The following FBLN2 variants were observed in gnomAD, a reference collection of about 807,000 sequenced individuals.
The protein encoded by FBLN2 is fibulin-2.
A neutral mutation model predicts 123.7 loss-of-function variants in FBLN2; 81 were observed. The ratio of observed to expected loss-of-function variants is 0.65; its 90% CI spans 0.55 to 0.79. FBLN2 has a LOEUF of 0.79. FBLN2 is among the 30% of genes least tolerant of loss of function. The pLI is 0.00. For synonymous variants in FBLN2, 699 were observed against 701.4 expected (o/e 1.00, Z 0.05); for missense variants, 1,603 against 1,681.3 (o/e 0.95, Z 0.81).
chr3:13,582,590 G>A (rs1396745312), intron 2 of FBLN2, among the ~76,000 whole-genome samples: 1 of 152,192 alleles, frequency 6.6e-6, no homozygotes, highest in African/African-American at 2.4e-5. Context: ...CAGTGAGATT[G>A]AGCCTGCTTT....
At chr3:13,588,828 A>G (rs184032583) in intron 2 of FBLN2, among the ~76,000 whole-genome samples, 47 of 152,362 alleles carry the variant, frequency 3.1e-4, no homozygotes, top group Middle Eastern at 3.4e-3. Flanking sequence ...CAAAATTGCT[A>G]TGTAGTTAAA....
At chr3:13,629,107 G>A in intron 12 of FBLN2, 57 bp from the exon 13 acceptor site, 14 of 1,612,842 alleles carry the variant, frequency 8.7e-6, no homozygotes, top group East Asian at 2.2e-5. Flanking sequence ...CCCCACCCCT[G>A]GGAGGTGTGT....
intron 1 of FBLN2, chr3:13,568,807 C>T (rs1703827977): frequency 2.0e-6 from 2 of 985,658 alleles, no homozygotes; most frequent in Non-Finnish European, 2.4e-6. Flanking sequence ...CAGATTTGCT[C>T]TTGGGTTTAT....
intron 1 of FBLN2, among the ~76,000 whole-genome samples, chr3:13,566,876 A>G: frequency 6.6e-6 from 1 of 152,222 alleles, no homozygotes; most frequent in Middle Eastern, 3.2e-3. Context: ...TATGGGCCAG[A>G]TAATGCTGGT....
At chr3:13,580,308 G>A (rs558013501) in intron 2 of FBLN2, among the ~76,000 whole-genome samples, 1 of 152,098 alleles carries the variant, frequency 6.6e-6, no homozygotes, top group Non-Finnish European at 1.5e-5. Flanking sequence ...TCACTTGTTC[G>A]CCCTGGAGGG....
intron 2 of FBLN2, among the ~76,000 whole-genome samples, chr3:13,576,247 T>A (rs1463947779): frequency 6.6e-6 from 1 of 152,138 alleles, no homozygotes; most frequent in African/African-American, 2.4e-5. Context: ...GGCAGCAGAA[T>A]GAGTAGATGG....
At chr3:13,618,522 G>A (rs1705715396) in intron 6 of FBLN2, among the ~76,000 whole-genome samples, 1 of 152,222 alleles carries the variant, frequency 6.6e-6, no homozygotes, top group African/African-American at 2.4e-5. Flanking sequence ...CCATATTCGA[G>A]CGCAGGGACA....
chr3:13,612,625 C>CCCA (rs61217858), intron 4 of FBLN2, among the ~76,000 whole-genome samples: 49,090 of 151,676 alleles, frequency 0.32, 13,160 homozygotes, highest in African/African-American at 0.74. Flanking sequence ...TCGTGATCCA[C>CCCA]CCACCTCGGC....
chr3:13,574,654 G>A (rs1363952120), intron 2 of FBLN2, among the ~76,000 whole-genome samples: 1 of 152,040 alleles, frequency 6.6e-6, no homozygotes, highest in East Asian at 1.9e-4. Flanking sequence ...ATGGCAACGC[G>A]GCTGGAGGGG....
intron 2 of FBLN2, among the ~76,000 whole-genome samples, chr3:13,605,382 CAT>C (rs1211385544): frequency 6.6e-6 from 1 of 152,130 alleles, no homozygotes; most frequent in Non-Finnish European, 1.5e-5. Context: ...TTTTTGCTGT[CAT>C]GTGTTCTTGC....
intron 16 of FBLN2, among the ~76,000 whole-genome samples, chr3:13,632,172 C>A (rs1004900538): frequency 6.6e-6 from 1 of 152,208 alleles, no homozygotes; most frequent in Admixed American, 6.5e-5. Flanking sequence ...CCTGGTAAGC[C>A]ACCAGGGCAA....
At chr3:13,603,938 G>C (rs1705122509) in intron 2 of FBLN2, among the ~76,000 whole-genome samples, 1 of 152,152 alleles carries the variant, frequency 6.6e-6, no homozygotes, top group Non-Finnish European at 1.5e-5. Flanking sequence ...TCTGACTGGT[G>C]TGAGATGGTA....
chr3:13,552,451 C>T (rs557584236), intron 1 of FBLN2, among the ~76,000 whole-genome samples: 232 of 152,204 alleles, frequency 1.5e-3, no homozygotes, highest in Middle Eastern at 3.4e-3. Context: ...CCTTAGCAGC[C>T]CTCTGTCATC....
chr3:13,609,684 C>CCTTGAGGGGGGGGGGGGGGG, intron 4 of FBLN2, 42 bp downstream of exon 4: 1 of 196,566 alleles, frequency 5.1e-6, no homozygotes, highest in African/African-American at 4.2e-5. Context: ...TGGGGTGGGG[C>CCTTGAGGGGGGGGGGGGGGG]GGGGCGGGAG....
chr3:13,571,479 G>A lies in FBLN2; in HGVS notation c.1124G>A (p.Gly375Asp). The change falls in exon 2 of 18, where the codon GGC becomes GAC. Residue 375 changes from glycine (G) to aspartate (D), a missense_variant. Coordinates refer to ENST00000404922, the MANE Select transcript of FBLN2 (RefSeq NM_001004019.2). ...AALVPTQAVPGSPRDPVKPSP... is the reference protein window; with the variant it reads ...AALVPTQAVPDSPRDPVKPSP... ...CTCGTCCCAACTCAGGCCGTGCCTGGCTCTCCCAGGGACCCAGTCAAGCCC... is the reference window on the plus strand; with the variant it reads ...CTCGTCCCAACTCAGGCCGTGCCTGACTCTCCCAGGGACCCAGTCAAGCCC... 1 of 1,613,446 alleles carries A rather than the reference G, an allele frequency of 6.2e-7. No homozygotes were observed. Among genetic ancestry groups the A allele is most frequent in the Non-Finnish European group, 8.5e-7 (1 of 1,179,824 alleles).
chr3:13,578,432 G>A (rs1416831693), intron 2 of FBLN2, among the ~76,000 whole-genome samples: 1 of 152,058 alleles, frequency 6.6e-6, no homozygotes, highest in Non-Finnish European at 1.5e-5. Flanking sequence ...GATATCCCTG[G>A]ACTCTCTGGG....
Position 13,571,505 on chromosome 3 carries a change from A to G in FBLN2, c.1150A>G (p.Ser384Gly). 6.2e-7 allele frequency: 1 copy of G among 1,613,650 alleles called. No individual in the cohort carries two copies. The highest frequency in any genetic ancestry group is 8.5e-7 in the Non-Finnish European group (1 of 1,179,862). ...PGSPRDPVKPSPHNILSTSLP... is the reference protein window; with the variant it reads ...PGSPRDPVKPGPHNILSTSLP... ...CTCTCCCAGGGACCCAGTCAAGCCCAGCCCCCACAACATCCTGTCCACATC... is the reference window on the plus strand; with the variant it reads ...CTCTCCCAGGGACCCAGTCAAGCCCGGCCCCCACAACATCCTGTCCACATC... The change falls in exon 2 of 18, where the codon AGC becomes GGC. Residue 384 changes from serine to glycine, a missense_variant. Transcript: ENST00000404922.
intron 9 of FBLN2, among the ~76,000 whole-genome samples, chr3:13,625,438 T>A (rs1334757660): frequency 6.6e-6 from 1 of 152,118 alleles, no homozygotes; most frequent in Non-Finnish European, 1.5e-5. Context: ...ATCTGACCAT[T>A]CTCAAGTTAG....
intron 2 of FBLN2, among the ~76,000 whole-genome samples, chr3:13,581,713 C>T (rs554557244): frequency 4.3e-4 from 65 of 152,236 alleles, no homozygotes; most frequent in African/African-American, 1.6e-3. Flanking sequence ...TGGGTGCCCC[C>T]GTGCCTGACC....
Sources: gnomAD v4.1 joint callset for allele counts (sites outside exome capture counted in the v4.1 genomes callset) on GRCh38, gnomAD v4.1.1 for gene constraint, MANE v1.5 for transcripts, NCBI Gene and HGNC (gene_info 2026-07-23, HGNC 2026-07-21) for gene names.